SCFD2: variants seen among roughly 807,000 people sequenced by gnomAD.
SCFD2 encodes the protein sec1 family domain containing 2.
A neutral mutation model predicts 58.9 loss-of-function variants in SCFD2; 54 were observed. The ratio of observed to expected loss-of-function variants is 0.92; its 90% CI spans 0.74 to 1.15. SCFD2 has a LOEUF of 1.15. Among genes scored for constraint, SCFD2 ranks in the 50% most tolerant of loss-of-function variants. The pLI, the probability that SCFD2 is intolerant of heterozygous loss-of-function variation, is 0.00. For synonymous variants in SCFD2, 321 were observed against 335.9 expected (o/e 0.96, Z 0.49); for missense variants, 805 against 836.6 (o/e 0.96, Z 0.47).
chr4:53,066,339 C>T (rs1723662258), intron 5 of SCFD2, among the ~76,000 whole-genome samples: 1 of 152,032 alleles, frequency 6.6e-6, no homozygotes, highest in Non-Finnish European at 1.5e-5. Flanking sequence ...GAGAGCCTGA[C>T]CTTTGGTCCT....
intron 4 of SCFD2, among the ~76,000 whole-genome samples, chr4:53,182,178 A>G (rs1046143568): frequency 8.5e-5 from 13 of 152,318 alleles, no homozygotes; most frequent in Non-Finnish European, 1.9e-4. Context: ...GAACCAAAAA[A>G]GAGCCCACAC....
intron 4 of SCFD2, among the ~76,000 whole-genome samples, chr4:53,264,532 A>T (rs890976277): frequency 1.3e-5 from 2 of 152,162 alleles, no homozygotes; most frequent in African/African-American, 4.8e-5. Flanking sequence ...TGTGGTGGAA[A>T]CTTCTTCTCA....
intron 4 of SCFD2, among the ~76,000 whole-genome samples, chr4:53,212,083 C>A (rs1487768462): frequency 6.6e-6 from 1 of 152,060 alleles, no homozygotes; most frequent in Admixed American, 6.6e-5. Context: ...AGTACACCCC[C>A]CAACCAAAAT....
intron 5 of SCFD2, among the ~76,000 whole-genome samples, chr4:53,007,641 T>G (rs530772617): frequency 1.3e-5 from 2 of 152,108 alleles, no homozygotes; most frequent in East Asian, 3.9e-4. Flanking sequence ...AAAATGGAGG[T>G]AATAATAGTA....
At chr4:53,304,182 C>T (rs551507967) in intron 3 of SCFD2, among the ~76,000 whole-genome samples, 3 of 152,164 alleles carry the variant, frequency 2.0e-5, no homozygotes, top group Non-Finnish European at 4.4e-5. Context: ...TGTAGGGATA[C>T]TGCCAAGAGA....
chr4:52,949,237 C>A (rs1560490759), intron 5 of SCFD2: 1 of 151,182 alleles, frequency 6.6e-6, no homozygotes, highest in East Asian at 1.9e-4. Flanking sequence ...AACCTACAAA[C>A]ATGTCTGAGC....
At chr4:53,327,292 C>A (rs761458661) in intron 2 of SCFD2, among the ~76,000 whole-genome samples, 6 of 152,066 alleles carry the variant, frequency 3.9e-5, no homozygotes, top group Non-Finnish European at 8.8e-5. Flanking sequence ...GAGGGGACAT[C>A]CACATGGGAT....
intron 4 of SCFD2, among the ~76,000 whole-genome samples, chr4:53,202,172 G>C (rs1017399539): frequency 1.3e-5 from 2 of 152,106 alleles, no homozygotes; most frequent in Admixed American, 1.3e-4. Flanking sequence ...TAACATGTAA[G>C]TCTTTAATCC....
intron 5 of SCFD2, among the ~76,000 whole-genome samples, chr4:53,142,659 C>T (rs530013566): frequency 1.3e-5 from 2 of 152,322 alleles, no homozygotes; most frequent in South Asian, 2.1e-4. Context: ...ATCACCACTG[C>T]CCCAATACTA....
At chr4:53,133,773 C>G (rs1725861650) in intron 5 of SCFD2, among the ~76,000 whole-genome samples, 1 of 152,208 alleles carries the variant, frequency 6.6e-6, no homozygotes, top group Non-Finnish European at 1.5e-5. Context: ...TCCTCATTCA[C>G]AGTTGATAAG....
At chr4:53,146,128 T>C (rs1726323346) in intron 4 of SCFD2, among the ~76,000 whole-genome samples, 1 of 152,124 alleles carries the variant, frequency 6.6e-6, no homozygotes, top group African/African-American at 2.4e-5. Flanking sequence ...TCACACAGGG[T>C]AATGGTCACT....
chr4:53,205,378 C>A (rs571150579), intron 4 of SCFD2, among the ~76,000 whole-genome samples: 1 of 152,108 alleles, frequency 6.6e-6, no homozygotes, highest in South Asian at 2.1e-4. Context: ...GAAAAACTGA[C>A]TCCATCCCAG....
At chr4:53,074,287 A>G (rs1202168415) in intron 5 of SCFD2, among the ~76,000 whole-genome samples, 2 of 152,190 alleles carry the variant, frequency 1.3e-5, no homozygotes, top group Admixed American at 1.3e-4. Context: ...TCACATCTTC[A>G]GGCTCTGCTT....
At chr4:53,251,123 G>A (rs1318819370) in intron 4 of SCFD2, among the ~76,000 whole-genome samples, 2 of 152,128 alleles carry the variant, frequency 1.3e-5, no homozygotes, top group East Asian at 3.8e-4. Flanking sequence ...AAATAAACAA[G>A]AAAATCTAGA....
chr4:52,891,959 A>T (rs1269207912), intron 7 of SCFD2, among the ~76,000 whole-genome samples: 1 of 152,118 alleles, frequency 6.6e-6, no homozygotes, highest in Non-Finnish European at 1.5e-5. Flanking sequence ...CTGGCCCCTG[A>T]TCTTCTCCCA....
At chr4:53,280,289 G>C (rs1731469576) in intron 3 of SCFD2, among the ~76,000 whole-genome samples, 1 of 152,128 alleles carries the variant, frequency 6.6e-6, no homozygotes, top group African/African-American at 2.4e-5. Context: ...GCTGAGGCAG[G>C]CAGATCACTT....
Position 52,953,409 on chromosome 4 carries a change from GATAGACAAGTTC to G in SCFD2, c.1562-32551_1562-32540del, listed in dbSNP as rs1450940968. On this transcript the variant is annotated intron_variant, in intron 5 of 8. Coordinates refer to ENST00000401642, the MANE Select transcript of SCFD2 (RefSeq NM_152540.4). The stretch of plus-strand genomic sequence containing the variant: ...GAAGGGACCTCTACTATGTCTACAA[GATAGACAAGTTC>G]ACAGACAGCGCTGGACACCAACCCT... Among the ~76,000 whole-genome samples, 3 of 152,328 alleles carry G rather than the reference GATAGACAAGTTC, an allele frequency of 2.0e-5. No homozygotes were observed. The East Asian group carries it at 5.8e-4, about 29-fold the overall frequency.
In SCFD2 at chr4:53,258,538, GTATATATATATATATATATA is replaced by G. The variant is rs59321045; in HGVS notation, c.1311+15268_1311+15287del. On this transcript the variant is annotated intron_variant, in intron 4 of 8. Coordinates refer to ENST00000401642, the MANE Select transcript of SCFD2 (RefSeq NM_152540.4). ...CTAAGTCGTATTCCATGGTGTGTGT[GTATATATATATATATATATA>G]TATATATATATATATATATACACAC... Among the ~76,000 whole-genome samples the G allele has an allele frequency of 3.3e-4, 39 of 119,886 alleles. 2 individuals carry two copies. The highest frequency in any genetic ancestry group is 8.2e-4 in the East Asian group (3 of 3,666). The allele number at this position is 119,886 out of a possible 152,430, so 78.6% of individuals were successfully genotyped here. A position where few individuals can be genotyped will look rare whatever the true frequency, so the allele number is the denominator to read the frequency against.
rs75296187 is a variant in SCFD2, at chr4:53,084,936, A to C, written c.1561+60397T>G. On this transcript the variant is annotated intron_variant, in intron 5 of 8. Transcript: ENST00000401642. ...CAGATCTACAGCTGGTATCATGCTGAATGGTGAAAAACTGAAAGCCTTTCC... is the reference window on the plus strand; with the variant it reads ...CAGATCTACAGCTGGTATCATGCTGCATGGTGAAAAACTGAAAGCCTTTCC... 6.0e-3 allele frequency among the ~76,000 whole-genome samples: 914 copies of C among 152,352 alleles called. 4 individuals carry two copies. The highest frequency in any genetic ancestry group is 8.7e-3 in the Non-Finnish European group (594 of 68,038).
Sources: gnomAD v4.1 joint callset for allele counts (sites outside exome capture counted in the v4.1 genomes callset) on GRCh38, gnomAD v4.1.1 for gene constraint, MANE v1.5 for transcripts, NCBI Gene and HGNC (gene_info 2026-07-23, HGNC 2026-07-21) for gene names.